STX18: variants seen among roughly 807,000 people sequenced by gnomAD.
The protein encoded by STX18 is syntaxin-18.
A neutral mutation model predicts 50.1 loss-of-function variants in STX18; 40 were observed. That is an observed-to-expected ratio of 0.80 (90% CI 0.62 to 1.04). The LOEUF (loss-of-function observed/expected upper bound fraction) is 1.04, where lower values mean the gene tolerates loss of function less well. Ranked by LOEUF, STX18 falls within the 50% of genes least tolerant of loss-of-function variation. The probability of loss-of-function intolerance (pLI) is 0.00; values close to 1 mark genes in which losing one functional copy is unlikely to be tolerated. For synonymous variants in STX18, 158 were observed against 151.8 expected (o/e 1.04, Z -0.30); for missense variants, 410 against 415.8 (o/e 0.99, Z 0.12).
chr4:4,504,696 C>T (rs540412700), intron 1 of STX18, among the ~76,000 whole-genome samples: 53 of 152,208 alleles, frequency 3.5e-4, no homozygotes, highest in African/African-American at 1.2e-3. Context: ...GCAAGGGGGG[C>T]ACATGAAAGA....
At chr4:4,466,522 C>A (rs1026469900) in intron 2 of STX18, among the ~76,000 whole-genome samples, 3 of 152,010 alleles carry the variant, frequency 2.0e-5, no homozygotes, top group African/African-American at 7.3e-5. Context: ...CCAGACAGAC[C>A]AGGAGAGGAA....
chr4:4,455,266 C>G (rs549791729), intron 5 of STX18, among the ~76,000 whole-genome samples: 1 of 152,334 alleles, frequency 6.6e-6, no homozygotes, highest in African/African-American at 2.4e-5. Context: ...CAGCCTGCTT[C>G]TAAGCTCTCT....
intron 1 of STX18, among the ~76,000 whole-genome samples, chr4:4,508,812 T>C (rs1729860668): frequency 6.6e-6 from 1 of 152,202 alleles, no homozygotes; most frequent in Non-Finnish European, 1.5e-5. Context: ...CAGGCAGTGT[T>C]ATAAGGTTTT....
chr4:4,428,436 A>T (rs1408309544), intron 7 of STX18, among the ~76,000 whole-genome samples: 5 of 152,148 alleles, frequency 3.3e-5, no homozygotes, highest in Non-Finnish European at 7.3e-5. Flanking sequence ...TGGGGATAGT[A>T]ACAGTACTTA....
At chr4:4,426,985 C>T (rs533258726) in intron 7 of STX18, among the ~76,000 whole-genome samples, 6 of 152,328 alleles carry the variant, frequency 3.9e-5, no homozygotes, top group African/African-American at 1.4e-4. Context: ...TCTGATACCT[C>T]AGGGCAGACT....
chr4:4,474,209 T>A (rs776921870), intron 1 of STX18, among the ~76,000 whole-genome samples: 1 of 152,192 alleles, frequency 6.6e-6, no homozygotes, highest in South Asian at 2.1e-4. Context: ...AAACGCTACA[T>A]GTGCATCTAT....
At chr4:4,440,060 A>G (rs1726025843) in intron 5 of STX18, among the ~76,000 whole-genome samples, 1 of 152,244 alleles carries the variant, frequency 6.6e-6, no homozygotes, top group Non-Finnish European at 1.5e-5. Flanking sequence ...CATTATAAAT[A>G]CAAGTAACTG....
intron 5 of STX18, among the ~76,000 whole-genome samples, chr4:4,450,013 G>A (rs1427289430): frequency 6.6e-6 from 1 of 152,108 alleles, no homozygotes; most frequent in African/African-American, 2.4e-5. Context: ...TTCCCTAAGA[G>A]GCCTGGCTCC....
chr4:4,502,175 T>C (rs958272724), intron 1 of STX18, among the ~76,000 whole-genome samples: 4 of 152,194 alleles, frequency 2.6e-5, no homozygotes, highest in South Asian at 2.1e-4. Context: ...GAAAGCACTA[T>C]AGGCAAAAGG....
intron 1 of STX18, among the ~76,000 whole-genome samples, chr4:4,479,384 G>C (rs538297764): frequency 6.6e-6 from 1 of 152,262 alleles, no homozygotes; most frequent in African/African-American, 2.4e-5. Flanking sequence ...TGACTCTGCT[G>C]TCCCATCTGA....
At chr4:4,478,272 T>C (rs1728293761) in intron 1 of STX18, among the ~76,000 whole-genome samples, 1 of 151,406 alleles carries the variant, frequency 6.6e-6, no homozygotes, top group African/African-American at 2.4e-5. Context: ...TTGTCTCCTC[T>C]GAAGTTGGCT....
At chr4:4,542,198 C>T, upstream of STX18, 1 of 493,486 alleles carries the variant, frequency 2.0e-6, no homozygotes, top group East Asian at 3.6e-5. Flanking sequence ...TCTCGGGCAT[C>T]GGTTTCTCCC....
intron 1 of STX18, among the ~76,000 whole-genome samples, chr4:4,519,082 A>G (rs989992305): frequency 1.3e-5 from 2 of 152,216 alleles, no homozygotes; most frequent in African/African-American, 4.8e-5. Flanking sequence ...ACAATAAAAT[A>G]TCATACATAA....
chr4:4,530,171 A>C (rs1447766965), intron 1 of STX18, among the ~76,000 whole-genome samples: 1 of 152,168 alleles, frequency 6.6e-6, no homozygotes, highest in East Asian at 1.9e-4. Context: ...TTCAAAAGTA[A>C]ATGTGCTCAT....
At position 4,420,211 on chromosome 4, in the gene STX18, G is replaced by C; in HGVS notation, c.913-82C>G. 2 of 1,069,530 alleles carry C rather than the reference G, an allele frequency of 1.9e-6. No individual in the cohort carries two copies. The highest frequency in any genetic ancestry group is 2.8e-5 in the South Asian group (2 of 72,060). 66.3% of individuals were successfully genotyped at this position (1,069,530 alleles called of 1,614,324 possible). A position where few individuals can be genotyped will look rare whatever the true frequency, so the allele number is the denominator to read the frequency against. ...CCCTGAAATGCCCCCCTCTTCCCAC[G>C]TGCTCTCCTGATCCTGGCTGTAACT... On this transcript the variant is annotated intron_variant, in intron 10 of 10. Coordinates refer to ENST00000306200, the MANE Select transcript of STX18 (RefSeq NM_016930.4). The surrounding 1 kb of genome is among the most constrained non-coding windows in gnomAD (Gnocchi z 4.3).
At chr4:4,508,105 G>T (rs1405849876) in intron 1 of STX18, among the ~76,000 whole-genome samples, 1 of 152,168 alleles carries the variant, frequency 6.6e-6, no homozygotes, top group Non-Finnish European at 1.5e-5. Context: ...AAATAAAATG[G>T]ATCATGGCTG....
chr4:4,511,724 G>A (rs1168891674), intron 1 of STX18, among the ~76,000 whole-genome samples: 1 of 94,726 alleles, frequency 1.1e-5, no homozygotes, highest in African/African-American at 3.7e-5. Flanking sequence ...GTGTGTGTGT[G>A]TGTGTGTGTG....
chr4:4,424,087 A>G (rs1459096298), intron 8 of STX18, among the ~76,000 whole-genome samples: 1 of 151,294 alleles, frequency 6.6e-6, no homozygotes, highest in African/African-American at 2.5e-5. Flanking sequence ...TGTTCCAAGA[A>G]AAAAGCTCCT....
At chr4:4,465,246 T>C (rs1435421658) in intron 2 of STX18, among the ~76,000 whole-genome samples, 1 of 152,156 alleles carries the variant, frequency 6.6e-6, no homozygotes, top group African/African-American at 2.4e-5. Context: ...CATTACTGGG[T>C]ATCTACCCAA....
Sources: gnomAD v4.1 joint callset for allele counts (sites outside exome capture counted in the v4.1 genomes callset) on GRCh38, gnomAD v4.1.1 for gene constraint, Gnocchi (gnomAD v3.1) non-coding constraint, MANE v1.5 for transcripts, NCBI Gene and HGNC (gene_info 2026-07-23, HGNC 2026-07-21) for gene names.